MBNL1: variants seen among roughly 807,000 people sequenced by gnomAD.
MBNL1 encodes the protein muscleblind-like protein 1.
A neutral mutation model predicts 42.2 loss-of-function variants in MBNL1; 8 were observed. The ratio of observed to expected loss-of-function variants is 0.19; its 90% confidence interval spans 0.11 to 0.34. MBNL1 has a LOEUF of 0.34. MBNL1 is among the 10% of genes least tolerant of loss of function. The pLI is 1.00. For synonymous variants in MBNL1, 169 were observed against 173.9 expected, an observed-to-expected ratio of 0.97 and a Z score of 0.22; for missense variants, 309 against 495.3, an observed-to-expected ratio of 0.62 and a Z score of 3.57.
At chr3:152,416,106 G>GT (rs896546330) in intron 3 of MBNL1, among the ~76,000 whole-genome samples, 8 of 151,738 alleles carry the variant, frequency 5.3e-5, no homozygotes, top group African/African-American at 1.5e-4. Flanking sequence ...CATGTGTGCT[G>GT]TTTTTTTTCC....
chr3:152,282,348 G>A (rs2048993163), intron 1 of MBNL1, among the ~76,000 whole-genome samples: 1 of 152,078 alleles, frequency 6.6e-6, no homozygotes, highest in Non-Finnish European at 1.5e-5. Context: ...AGGGACATGT[G>A]TGTGTGTGTG....
At chr3:152,273,577 C>T (rs2043156547) in intron 1 of MBNL1, among the ~76,000 whole-genome samples, 1 of 152,118 alleles carries the variant, frequency 6.6e-6, no homozygotes, top group Non-Finnish European at 1.5e-5. Context: ...TCTTTTTCTA[C>T]TGTTTTTGAT....
intron 2 of MBNL1, among the ~76,000 whole-genome samples, chr3:152,255,910 T>C (rs1447692401): frequency 6.6e-6 from 1 of 152,148 alleles, no homozygotes; most frequent in Non-Finnish European, 1.5e-5. Flanking sequence ...AGAATGAGCT[T>C]GGCATATCTG....
chr3:152,294,278 CTTTTTTTTTT>C (rs201018898), intron 1 of MBNL1, among the ~76,000 whole-genome samples: 6 of 121,072 alleles, frequency 5.0e-5, no homozygotes, highest in Non-Finnish European at 1.1e-4. Context: ...AAGTTTGATT[CTTTTTTTTTT>C]TTTTTTTTTT....
At chr3:152,325,083 A>ACCCCC (rs532514721) in intron 2 of MBNL1, among the ~76,000 whole-genome samples, 51 of 26,002 alleles carry the variant, frequency 2.0e-3, no homozygotes, top group African/African-American at 5.7e-3. Context: ...AATGCCACAT[A>ACCCCC]CCCGCCCCCC....
intron 2 of MBNL1, among the ~76,000 whole-genome samples, chr3:152,401,889 G>T (rs865952342): frequency 4.6e-5 from 7 of 151,948 alleles, no homozygotes; most frequent in Non-Finnish European, 1.0e-4. Context: ...AAAATCAGCC[G>T]TGTGTTGTGG....
At chr3:152,305,587 C>T (rs1317075158) in intron 2 of MBNL1, among the ~76,000 whole-genome samples, 2 of 151,678 alleles carry the variant, frequency 1.3e-5, no homozygotes, top group African/African-American at 4.9e-5. Flanking sequence ...TCATGACTGC[C>T]AGTAGAAGTG....
chr3:152,387,407 CTT>C (rs2153449293), intron 2 of MBNL1, among the ~76,000 whole-genome samples: 1 of 152,042 alleles, frequency 6.6e-6, no homozygotes, highest in East Asian at 1.9e-4. Context: ...ACATTCAAGA[CTT>C]AAAATATTAA....
chr3:152,375,681 C>T (rs1053952927), intron 2 of MBNL1, among the ~76,000 whole-genome samples: 1 of 151,974 alleles, frequency 6.6e-6, no homozygotes, highest in Non-Finnish European at 1.5e-5. Flanking sequence ...TTAGCCAGGT[C>T]TTCGATGTGT....
At chr3:152,312,329 A>C (rs968185608) in intron 2 of MBNL1, among the ~76,000 whole-genome samples, 1 of 152,204 alleles carries the variant, frequency 6.6e-6, no homozygotes, top group African/African-American at 2.4e-5. Flanking sequence ...GAAACTTTCG[A>C]TACCAATAGC....
At chr3:152,321,779 A>G (rs966826919) in intron 2 of MBNL1, among the ~76,000 whole-genome samples, 7 of 151,944 alleles carry the variant, frequency 4.6e-5, no homozygotes, top group African/African-American at 9.7e-5. Context: ...TGTATTTCCA[A>G]TCTTGCTTCC....
chr3:152,334,742 G>A (rs996068005), intron 2 of MBNL1, among the ~76,000 whole-genome samples: 1 of 152,104 alleles, frequency 6.6e-6, no homozygotes, highest in Admixed American at 6.6e-5. Flanking sequence ...TGCTTATTGG[G>A]AATGAGAAGG....
At chr3:152,302,569 C>T (rs2061165171) in intron 2 of MBNL1, 1 of 152,108 alleles carries the variant, frequency 6.6e-6, no homozygotes, top group African/African-American at 2.4e-5. Flanking sequence ...CTTCAGATAG[C>T]AGTCCTCTTG....
At chr3:152,280,458 A>T (rs911442173) in intron 1 of MBNL1, among the ~76,000 whole-genome samples, 1 of 152,192 alleles carries the variant, frequency 6.6e-6, no homozygotes, top group Non-Finnish European at 1.5e-5. Context: ...GCATAGTATC[A>T]TCCTGGACTA....
intron 1 of MBNL1, among the ~76,000 whole-genome samples, chr3:152,295,465 G>A (rs974657989): frequency 6.6e-6 from 1 of 152,042 alleles, no homozygotes; most frequent in African/African-American, 2.4e-5. Flanking sequence ...TCAGTGTTGG[G>A]ACCACATCCT....
intron 4 of MBNL1, among the ~76,000 whole-genome samples, chr3:152,437,060 C>T (rs1394581323): frequency 3.3e-5 from 5 of 152,146 alleles, no homozygotes; most frequent in Non-Finnish European, 7.4e-5. Context: ...AATTGCATTA[C>T]GTATTGAAGT....
chr3:152,313,253 G>T (rs2068111036), intron 2 of MBNL1, among the ~76,000 whole-genome samples: 3 of 152,098 alleles, frequency 2.0e-5, no homozygotes, highest in Admixed American at 2.0e-4. Flanking sequence ...TCAAACTCCT[G>T]ACCTTGTTGT....
intron 5 of MBNL1, 103 bp downstream of exon 5, chr3:152,445,642 T>C: frequency 7.8e-7 from 1 of 1,285,058 alleles, no homozygotes; most frequent in Non-Finnish European, 1.1e-6. Flanking sequence ...TTTAAAAAAA[T>C]TGCTGAAGAT....
chr3:152,408,593 G>A (rs1018434719), intron 2 of MBNL1, among the ~76,000 whole-genome samples: 4 of 151,636 alleles, frequency 2.6e-5, no homozygotes, highest in African/African-American at 9.7e-5. Context: ...GTTATATTTG[G>A]TATTATGATA....
Sources: gnomAD v4.1 joint callset for allele counts (sites outside exome capture counted in the v4.1 genomes callset) on GRCh38, gnomAD v4.1.1 for gene constraint, MANE v1.5 for transcripts, NCBI Gene and HGNC (gene_info 2026-07-23, HGNC 2026-07-21) for gene names.